ATP13A3: variants seen among roughly 807,000 people sequenced by gnomAD.
ATP13A3 encodes the protein ATPase 13A3, also known as polyamine-transporting ATPase 13A3.
Under a neutral mutation model 158.1 loss-of-function variants are expected in ATP13A3, and 59 were observed. That is an observed-to-expected ratio of 0.37 (90% CI 0.30 to 0.46). ATP13A3 has a LOEUF of 0.46. Among genes scored for constraint, ATP13A3 ranks in the 20% least tolerant of loss-of-function variants. The pLI is 1.00. For synonymous variants in ATP13A3, 491 were observed against 504.3 expected (o/e 0.97, Z 0.35); for missense variants, 1,166 against 1,525.2 (o/e 0.76, Z 3.92).
At chr3:194,492,622 T>C (rs953932877) in intron 2 of ATP13A3, among the ~76,000 whole-genome samples, 8 of 152,136 alleles carry the variant, frequency 5.3e-5, no homozygotes, top group African/African-American at 1.9e-4. Flanking sequence ...GCCCAGCTAA[T>C]TTTTTGTATT....
chr3:194,457,007 G>A, intron 7 of ATP13A3, 87 bp downstream of exon 7: 1 of 882,928 alleles, frequency 1.1e-6, no homozygotes, highest in Admixed American at 2.4e-5. Context: ...CTGTTAATAT[G>A]TACAACTATA....
chr3:194,485,419 C>T (rs531506751), intron 2 of ATP13A3, among the ~76,000 whole-genome samples: 1 of 152,192 alleles, frequency 6.6e-6, no homozygotes, highest in Non-Finnish European at 1.5e-5. Context: ...AAAATTAATA[C>T]ATGTACCTTG....
At chr3:194,441,844 T>C (rs555364856) in intron 15 of ATP13A3, among the ~76,000 whole-genome samples, 65 of 152,308 alleles carry the variant, frequency 4.3e-4, no homozygotes, top group African/African-American at 1.5e-3. Context: ...AAAGGGCAGA[T>C]GAGAAAAAAT....
chr3:194,417,396 GAC>G (rs56119734), intron 31 of ATP13A3, among the ~76,000 whole-genome samples: 11,462 of 117,886 alleles, frequency 0.097, 507 homozygotes, highest in South Asian at 0.13. Context: ...GCCAGATTCT[GAC>G]ACACACACAC....
Position 194,441,337 on chromosome 3 carries a change from G to C in ATP13A3, c.1684C>G (p.Leu562Val). ...CATCCAATAGCCTCAAACATTTTCA[G>C]ATCAAGTGGATCACCAGAGAGCACT... ...EGVLSGDPLD[L>V]KMFEAIGWIL... The change falls in exon 16 of 34, where the codon CTG becomes GTG. Residue 562 changes from leucine to valine, a missense_variant. By Grantham distance (32) the Leu-to-Val change is conservative (BLOSUM62 1). Around this residue, in one of 3 missense-constraint regions of ATP13A3, gnomAD observed 997 missense variants for 1,341.2 expected, o/e 0.74. Coordinates refer to ENST00000645319, the MANE Select transcript of ATP13A3 (RefSeq NM_001367549.1). The C allele has an allele frequency of 6.2e-7, 1 of 1,612,706 alleles. No homozygotes were observed. Among genetic ancestry groups the C allele is most frequent in the Middle Eastern group, 1.7e-4 (1 of 6,056 alleles).
intron 2 of ATP13A3, chr3:194,471,873 T>A (rs1433766013): frequency 6.6e-6 from 1 of 152,010 alleles, no homozygotes; most frequent in African/African-American, 2.4e-5. Flanking sequence ...ATTTGCAGTA[T>A]CTTTGACTTC....
chr3:194,421,497 G>A (rs1181240730), intron 30 of ATP13A3, among the ~76,000 whole-genome samples: 1 of 138,112 alleles, frequency 7.2e-6, no homozygotes, highest in East Asian at 2.1e-4. Context: ...AGCTGGCAGT[G>A]AACAGAGATC....
At chr3:194,447,170 T>C (rs576199904) in intron 13 of ATP13A3, 55 bp from the exon 14 acceptor site, 10 of 1,432,448 alleles carry the variant, frequency 7.0e-6, no homozygotes. Context: ...ACGGATTTAA[T>C]ATGGGTATTT....
At chr3:194,412,128 G>C (rs188183311) in intron 33 of ATP13A3, 71 bp downstream of exon 33, 4 of 1,218,276 alleles carry the variant, frequency 3.3e-6, no homozygotes, top group Admixed American at 4.0e-5. Flanking sequence ...GAACACGCTA[G>C]AGAATACAGA....
At chr3:194,427,015 T>C (rs1716828904) in intron 29 of ATP13A3, 60 bp downstream of exon 29, 6 of 1,532,114 alleles carry the variant, frequency 3.9e-6, no homozygotes, top group African/African-American at 1.4e-5. Context: ...TAAACTCATT[T>C]TTATATCATA....
upstream of ATP13A3, among the ~76,000 whole-genome samples, chr3:194,491,017 G>A (rs145853527): frequency 0.024 from 3,726 of 152,260 alleles, 81 homozygotes; most frequent in African/African-American, 0.062. Context: ...GGTGGCGTGC[G>A]CCTGTAATCC....
intron 33 of ATP13A3, among the ~76,000 whole-genome samples, chr3:194,411,163 C>A (rs529934620): frequency 2.0e-5 from 3 of 152,114 alleles, no homozygotes; most frequent in African/African-American, 7.2e-5. Context: ...AGAAAGCAAG[C>A]CTGTGGCATT....
Position 194,447,852 on chromosome 3 carries a change from C to T in ATP13A3, c.1308G>A (p.Glu436=). The T allele has an allele frequency of 6.2e-7, 1 of 1,607,180 alleles. No homozygotes were observed. The highest frequency in any genetic ancestry group is 1.3e-5 in the African/African-American group (1 of 74,756). Residue 436 remains glutamate (E), a splice_region_variant and synonymous_variant, in exon 13 of 34, where the codon GAG becomes GAA. Transcript: ENST00000645319. The stretch of plus-strand genomic sequence containing the variant: ...CCTATTAAGAGTCCCACATACATAC[C>T]TCATTTAAAATGCTATTAATAATAG... The part of the protein sequence containing the change: ...IYTIINSILN[E]VQVGVIIIES...
In ATP13A3 at chr3:194,448,131, A is replaced by G. The variant is rs1577066143; in HGVS notation, c.1151-122T>C. 2.0e-6 allele frequency: 2 copies of G among 979,078 alleles called. No individual in the cohort carries two copies. The highest frequency in any genetic ancestry group is 2.5e-5 in the Admixed American group (1 of 40,386). 60.6% of individuals were successfully genotyped at this position (979,078 alleles called of 1,614,324 possible). Reference sequence around the variant, plus strand: ...CTCGCTCTGTCACCCAGGCTGGAGTACAGTGGTGTGATCTCGACTCACTGC... The same window carrying G: ...CTCGCTCTGTCACCCAGGCTGGAGTGCAGTGGTGTGATCTCGACTCACTGC... On this transcript the variant is annotated intron_variant, in intron 12 of 33. Transcript: ENST00000645319. The surrounding 1 kb of genome is among the most constrained non-coding windows in gnomAD (Gnocchi z 4.0).
chr3:194,450,091 T>A, intron 11 of ATP13A3, 54 bp downstream of exon 11: 1 of 1,570,294 alleles, frequency 6.4e-7, no homozygotes, highest in Non-Finnish European at 8.7e-7. Flanking sequence ...ACTCACTAAC[T>A]TAGTCATGAT....
Position 194,413,742 on chromosome 3 carries a change from A to C in ATP13A3, c.3483+17T>G. ...TCCAAAGCAACATGGTAGCCATTTGACTATGGAAGTGCTTACCTCCACTGT... is the reference window on the plus strand; with the variant it reads ...TCCAAAGCAACATGGTAGCCATTTGCCTATGGAAGTGCTTACCTCCACTGT... On this transcript the variant is annotated intron_variant, in intron 32 of 33. Transcript: ENST00000645319. 1.2e-5 allele frequency: 19 copies of C among 1,596,460 alleles called. No homozygotes were observed. The highest frequency in any genetic ancestry group is 1.6e-5 in the Non-Finnish European group (19 of 1,163,938).
At chr3:194,459,702 C>A (rs947145826) in intron 5 of ATP13A3, 87 bp downstream of exon 5, 15 of 1,415,586 alleles carry the variant, frequency 1.1e-5, no homozygotes, top group Non-Finnish European at 1.4e-5. Flanking sequence ...GCATTAACTG[C>A]AAACACAAAA....
chr3:194,448,766 T>C lies in ATP13A3; in HGVS notation c.971-130A>G. The C allele has an allele frequency of 2.1e-6, 2 of 962,462 alleles. No homozygotes were observed. The highest frequency in any genetic ancestry group is 3.3e-4 in the Middle Eastern group (1 of 3,028). 59.6% of individuals were successfully genotyped at this position (962,462 alleles called of 1,614,324 possible). ...AATGCTACCATACTGTTTACAATAA[T>C]CACTGAGAGTTGTATATGTGGACAA... On this transcript the variant is annotated intron_variant, in intron 11 of 33. Coordinates refer to ENST00000645319, the MANE Select transcript of ATP13A3 (RefSeq NM_001367549.1). The surrounding 1 kb of genome is among the most constrained non-coding windows in gnomAD (Gnocchi z 4.0).
chr3:194,444,604 G>A (rs1718271944), intron 15 of ATP13A3, 121 bp downstream of exon 15: 1 of 765,336 alleles, frequency 1.3e-6, no homozygotes, highest in African/African-American at 1.8e-5. Flanking sequence ...ATGGCAACAT[G>A]TCCACGGTTT....
Sources: gnomAD v4.1 joint callset for allele counts (sites outside exome capture counted in the v4.1 genomes callset) on GRCh38, gnomAD v4.1.1 for gene constraint, gnomAD v4.1.1 regional missense constraint, Gnocchi (gnomAD v3.1) non-coding constraint, MANE v1.5 for transcripts, NCBI Gene and HGNC (gene_info 2026-07-23, HGNC 2026-07-21) for gene names.